LIFR: variants seen among roughly 807,000 people sequenced by gnomAD.
LIFR encodes leukemia inhibitory factor receptor.
Under a neutral mutation model 122.2 loss-of-function variants are expected in LIFR, and 84 were observed. The observed-to-expected ratio is 0.69, with a 90% confidence interval of 0.58 to 0.82. LIFR has a LOEUF of 0.82. Among genes scored for constraint, LIFR ranks in the 40% least tolerant of loss-of-function variants. The pLI, the probability that LIFR is intolerant of heterozygous loss-of-function variation, is 0.00. For synonymous variants in LIFR, 422 were observed against 434.7 expected (o/e 0.97, Z 0.36); for missense variants, 1,294 against 1,311.6 (o/e 0.99, Z 0.21).
rs746766122 is a variant in LIFR, at chr5:38,511,938, G to A, written c.588C>T (p.Gly196=). The change falls in exon 6 of 20, where the codon GGC becomes GGT. Residue 196 remains glycine, a synonymous_variant. Transcript: ENST00000453190. ...AACTCCAGTGATGAAGTGTATCTTTGCCATTCAGAGTTGTGTTGTGGGTCA... is the reference window on the plus strand; with the variant it reads ...AACTCCAGTGATGAAGTGTATCTTTACCATTCAGAGTTGTGTTGTGGGTCA... The part of the protein sequence containing the change: ...KLVTHNTTLN[G]KDTLHHWSWA... 1 of 1,614,032 alleles carries A rather than the reference G, an allele frequency of 6.2e-7. No individual in the cohort carries two copies. Among genetic ancestry groups the A allele is most frequent in the African/African-American group, 1.3e-5 (1 of 75,032 alleles).
intron 18 of LIFR, among the ~76,000 whole-genome samples, chr5:38,484,573 T>C (rs1345793972): frequency 6.6e-6 from 1 of 152,118 alleles, no homozygotes; most frequent in Non-Finnish European, 1.5e-5. Flanking sequence ...GTAGAAAAAA[T>C]TTACACATTG....
chr5:38,516,988 A>T (rs1324819421), intron 5 of LIFR, among the ~76,000 whole-genome samples: 2 of 152,094 alleles, frequency 1.3e-5, no homozygotes, highest in Non-Finnish European at 2.9e-5. Flanking sequence ...GTTCTCACTT[A>T]TAAGTGGGAG....
chr5:38,539,261 C>G (rs991306251), intron 1 of LIFR, among the ~76,000 whole-genome samples: 2 of 152,134 alleles, frequency 1.3e-5, no homozygotes, highest in Non-Finnish European at 2.9e-5. Context: ...CCTCTTGGTT[C>G]TCATGCTGAC....
chr5:38,549,851 T>A (rs1748107711), intron 1 of LIFR, among the ~76,000 whole-genome samples: 1 of 152,134 alleles, frequency 6.6e-6, no homozygotes, highest in Non-Finnish European at 1.5e-5. Context: ...TTTTTTTAAA[T>A]GTATTTTTTT....
chr5:38,598,234 TTTATTTA>T (rs1561235465), upstream of LIFR, among the ~76,000 whole-genome samples: 2 of 24,940 alleles, frequency 8.0e-5, no homozygotes, highest in African/African-American at 4.3e-4. Context: ...TTTTTTTTTA[TTTATTTA>T]TTTATTTTTT....
At chr5:38,550,176 C>CAAT in intron 1 of LIFR, 1 of 676,904 alleles carries the variant, frequency 1.5e-6, no homozygotes, top group Non-Finnish European at 1.8e-6. Context: ...AAACACCCAC[C>CAAT]AACAGCATTT....
chr5:38,542,763 T>C (rs554384173), intron 1 of LIFR, among the ~76,000 whole-genome samples: 1 of 152,282 alleles, frequency 6.6e-6, no homozygotes, highest in East Asian at 1.9e-4. Context: ...ACAGATCATC[T>C]ACCTGGAATG....
At chr5:38,553,648 ATATATATATATATATATATATATATT>A (rs1353309790) in intron 1 of LIFR, among the ~76,000 whole-genome samples, 4 of 102,202 alleles carry the variant, frequency 3.9e-5, no homozygotes, top group African/African-American at 1.2e-4. Flanking sequence ...ATATATATAT[ATATATATATATATATATATATATATT>A]ATATGTATGT....
Position 38,505,935 on chromosome 5 carries a change from A to G in LIFR, c.1261T>C (p.Ser421Pro), listed in dbSNP as rs1402862605. 1 of 1,609,302 alleles carries G rather than the reference A, an allele frequency of 6.2e-7. No individual in the cohort carries two copies. The highest frequency in any genetic ancestry group is 1.7e-5 in the Admixed American group (1 of 59,750). Reference protein sequence around the residue: ...NAHNPLGRSQSTILVNITEKV... With the variant: ...NAHNPLGRSQPTILVNITEKV... ...TCAGTTATATTAACTAAAATTGTTG[A>G]TTGTGATCGACCCAGCGGATTGTGA... The change falls in exon 9 of 20, where the codon TCA (serine) becomes CCA (proline). Residue 421 changes from serine to proline, a missense_variant. Transcript: ENST00000453190.
rs141407987 is a variant in LIFR at position 38,475,200 on chromosome 5, A to G, written c.*6395T>C. 870 of 187,112 alleles carry G rather than the reference A, an allele frequency of 4.6e-3. 11 individuals are homozygous for G. The highest frequency in any genetic ancestry group is 8.7e-3 in the Admixed American group (141 of 16,184). 11.6% of individuals were successfully genotyped at this position (187,112 alleles called of 1,614,324 possible). On this transcript the variant is annotated 3_prime_UTR_variant, in exon 20 of 20. Transcript: ENST00000453190. ...ATTATACAATGATATAAAGTGTCCA[A>G]ATTTCCCATTCTAACAGCAATTTAA... is the stretch of plus-strand genomic sequence containing the variant.
chr5:38,490,951 A>C (rs1465111688), intron 14 of LIFR, among the ~76,000 whole-genome samples: 1 of 152,108 alleles, frequency 6.6e-6, no homozygotes, highest in Non-Finnish European at 1.5e-5. Flanking sequence ...CGAGGTCCAC[A>C]TCATGCCTCT....
intron 18 of LIFR, among the ~76,000 whole-genome samples, chr5:38,483,854 G>A (rs1019320272): frequency 7.9e-5 from 12 of 152,130 alleles, no homozygotes; most frequent in African/African-American, 2.4e-5. Context: ...ATGTTCTCTT[G>A]TCATAAATGA....
At chr5:38,592,106 C>T (rs1420973077) in intron 1 of LIFR, among the ~76,000 whole-genome samples, 1 of 152,106 alleles carries the variant, frequency 6.6e-6, no homozygotes, top group Non-Finnish European at 1.5e-5. Context: ...TTATTTCTTC[C>T]CTTCTCTCCT....
intron 1 of LIFR, among the ~76,000 whole-genome samples, chr5:38,552,852 TA>T (rs997251175): frequency 4.6e-5 from 7 of 152,250 alleles, no homozygotes; most frequent in Admixed American, 2.6e-4. Context: ...GATTATTTCG[TA>T]AATTCTCTAA....
At chr5:38,512,799 C>T (rs908155321) in intron 5 of LIFR, among the ~76,000 whole-genome samples, 13 of 152,004 alleles carry the variant, frequency 8.6e-5, no homozygotes, top group African/African-American at 3.1e-4. Context: ...ACCTGTATAC[C>T]ACTGCCTAAT....
chr5:38,573,537 G>A (rs1749283794), intron 1 of LIFR, among the ~76,000 whole-genome samples: 1 of 152,148 alleles, frequency 6.6e-6, no homozygotes, highest in Non-Finnish European at 1.5e-5. Flanking sequence ...TAATATCAGA[G>A]CAAATGAAAT....
chr5:38,601,237 A>G (rs968502381), intron 2 of LIFR, among the ~76,000 whole-genome samples: 1 of 152,176 alleles, frequency 6.6e-6, no homozygotes. Flanking sequence ...CAGGGAGAAT[A>G]CTGCTGTCTA....
intron 8 of LIFR, 71 bp from the exon 9 acceptor site, chr5:38,506,145 G>A (rs1242405743): frequency 5.1e-6 from 5 of 974,296 alleles, no homozygotes; most frequent in Admixed American, 2.1e-5. Context: ...GGGCAAATTC[G>A]TAATACTTAA....
rs1744028905 is a variant in LIFR at position 38,482,162 on chromosome 5, C to T, written c.2727G>A (p.Glu909=). The change falls in exon 20 of 20, where the codon GAG becomes GAA. Residue 909 remains glutamate, a synonymous_variant. Transcript: ENST00000453190. The stretch of plus-strand genomic sequence containing the variant: ...GAAATGCTGATCGAGTTTCCAGAAC[C>T]TCAACATTATTTGGGGTACAAGGAT... ...EMNPCTPNNV[E]VLETRSAFPK... The T allele has an allele frequency of 5.0e-6, 8 of 1,587,536 alleles. No homozygotes were observed. The highest frequency in any genetic ancestry group is 6.8e-6 in the Non-Finnish European group (8 of 1,172,596).
Sources: allele counts gnomAD v4.1 joint callset (sites outside exome capture counted in the v4.1 genomes callset), GRCh38; gene constraint gnomAD v4.1.1; transcripts MANE v1.5; gene names NCBI Gene and HGNC (gene_info 2026-07-23, HGNC 2026-07-21).